Variants in CDKL4 observed in about 807,000 individuals in gnomAD.
CDKL4 encodes the protein cyclin dependent kinase like 4.
In CDKL4, 44 loss-of-function variants were observed where a neutral mutation model predicts 42.0. That is an observed-to-expected ratio of 1.05 (90% confidence interval 0.82 to 1.35). The LOEUF is 1.35. Ranked by LOEUF, CDKL4 falls within the 40% of genes most tolerant of loss-of-function variation. The pLI is 0.00. For missense variants in CDKL4, 393 were observed against 369.9 expected (o/e 1.06, Z -0.51); for synonymous variants, 120 against 121.6 (o/e 0.99, Z 0.09).
At chr2:39,220,574 T>C (rs1416505779) in intron 3 of CDKL4, among the ~76,000 whole-genome samples, 1 of 152,084 alleles carries the variant, frequency 6.6e-6, no homozygotes, top group Non-Finnish European at 1.5e-5. Context: ...GCACAACTTA[T>C]TCGAGATTCT....
Position 39,215,873 on chromosome 2 carries a change from T to G in CDKL4, c.291-2401A>C, listed in dbSNP as rs571037838. On this transcript the variant is annotated intron_variant, in intron 3 of 9. Transcript: ENST00000451199. ...TTCTCCTAATTATTAATATTGCAAA[T>G]GTACCTAATTTTCATGATTAAATCC... is the stretch of plus-strand genomic sequence containing the variant. Among the ~76,000 whole-genome samples the G allele has an allele frequency of 2.6e-3, 392 of 152,322 alleles. 1 individual carries two copies. The highest frequency in any genetic ancestry group is 8.6e-3 in the African/African-American group (359 of 41,560).
At chr2:39,217,469 C>T (rs901469098) in intron 3 of CDKL4, among the ~76,000 whole-genome samples, 3 of 152,110 alleles carry the variant, frequency 2.0e-5, no homozygotes, top group Admixed American at 1.3e-4. Context: ...GTTATAAAAA[C>T]GTAATAGGGG....
chr2:39,203,547 A>G (rs1183642116), intron 5 of CDKL4, among the ~76,000 whole-genome samples: 2 of 152,210 alleles, frequency 1.3e-5, no homozygotes, highest in African/African-American at 2.4e-5. Flanking sequence ...TATATATTTC[A>G]GTAATTTTTT....
intron 1 of CDKL4, among the ~76,000 whole-genome samples, chr2:39,230,991 CCT>C (rs1330731777): frequency 1.3e-5 from 2 of 152,136 alleles, no homozygotes; most frequent in Non-Finnish European, 2.9e-5. Flanking sequence ...AGGTGGATCA[CCT>C]GAGGTCAGGA....
intron 5 of CDKL4, 98 bp from the exon 6 acceptor site, chr2:39,190,600 G>T: frequency 1.0e-6 from 1 of 960,238 alleles, no homozygotes; most frequent in Non-Finnish European, 1.7e-6. Context: ...AACCATCAGA[G>T]GCCATGATAC....
At chr2:39,182,093 C>A (rs1454834098) in intron 8 of CDKL4, among the ~76,000 whole-genome samples, 2 of 152,094 alleles carry the variant, frequency 1.3e-5, no homozygotes, top group African/African-American at 4.8e-5. Context: ...GCAATCCTCC[C>A]GCCTTAGCCT....
chr2:39,190,186 C>T, intron 6 of CDKL4, 119 bp downstream of exon 6: 1 of 684,026 alleles, frequency 1.5e-6, no homozygotes, highest in East Asian at 3.0e-5. Context: ...TCCTGAGTGA[C>T]ACTTTGAAGA....
At chr2:39,218,965 C>T (rs1001723900) in intron 3 of CDKL4, among the ~76,000 whole-genome samples, 3 of 152,114 alleles carry the variant, frequency 2.0e-5, no homozygotes, top group Non-Finnish European at 4.4e-5. Context: ...ACTAATACAC[C>T]TCCTGGGCAT....
At chr2:39,229,284 A>T in intron 2 of CDKL4, 81 bp downstream of exon 2, 1 of 1,043,310 alleles carries the variant, frequency 9.6e-7, no homozygotes, top group Non-Finnish European at 1.4e-6. Flanking sequence ...GGGGGAAAAT[A>T]ACTTTAAAAT....
chr2:39,170,433 C>G, the CDKL4 span, among the ~76,000 whole-genome samples: 1 of 151,864 alleles, frequency 6.6e-6, no homozygotes, highest in Non-Finnish European at 1.5e-5. Flanking sequence ...CACTGACTCC[C>G]CAGTTTTTAG....
intron 2 of CDKL4, among the ~76,000 whole-genome samples, chr2:39,229,035 A>T (rs1678930529): frequency 6.6e-6 from 1 of 151,630 alleles, no homozygotes; most frequent in African/African-American, 2.4e-5. Context: ...GTGCTCTTTT[A>T]GTTGCTGGTT....
chr2:39,228,052 A>G (rs1230937808), intron 2 of CDKL4, among the ~76,000 whole-genome samples: 1 of 152,220 alleles, frequency 6.6e-6, no homozygotes, highest in Non-Finnish European at 1.5e-5. Context: ...ATCAGAGACC[A>G]AGCTGAGTCA....
chr2:39,174,600 A>G (rs1675095236), downstream of CDKL4, among the ~76,000 whole-genome samples: 3 of 152,230 alleles, frequency 2.0e-5, no homozygotes, highest in Admixed American at 1.3e-4. Context: ...GGTGCTGGAC[A>G]TAGAAAATTT....
intron 3 of CDKL4, among the ~76,000 whole-genome samples, chr2:39,221,013 G>T (rs142558897): frequency 0.4 from 28,322 of 71,574 alleles, 1,712 homozygotes; most frequent in African/African-American, 0.48. Context: ...TTTTTTTTTT[G>T]TTTTGTTTTT....
At chr2:39,190,012 C>A (rs968701209) in intron 6 of CDKL4, among the ~76,000 whole-genome samples, 1 of 152,150 alleles carries the variant, frequency 6.6e-6, no homozygotes, top group East Asian at 1.9e-4. Context: ...GACTCATATC[C>A]TTATCCCTAT....
intron 5 of CDKL4, among the ~76,000 whole-genome samples, chr2:39,198,896 A>C (rs61526451): frequency 1.3e-5 from 2 of 152,080 alleles, no homozygotes; most frequent in Non-Finnish European, 2.9e-5. Context: ...AAAGAGCACA[A>C]ATAGACAATC....
chr2:39,178,869 T>A, intron 9 of CDKL4: 1 of 1,476,168 alleles, frequency 6.8e-7, no homozygotes, highest in Non-Finnish European at 9.0e-7. Context: ...CCTGTTGGAA[T>A]CAGCATTTTA....
chr2:39,224,432 CA>C (rs1354466481), intron 3 of CDKL4, among the ~76,000 whole-genome samples: 1 of 151,542 alleles, frequency 6.6e-6, no homozygotes, highest in Non-Finnish European at 1.5e-5. Flanking sequence ...AGAGTCAGAA[CA>C]ACTCTTTATC....
chr2:39,242,811 C>T (rs963304603), intron 1 of CDKL4, among the ~76,000 whole-genome samples: 13 of 151,932 alleles, frequency 8.6e-5, no homozygotes, highest in Non-Finnish European at 1.8e-4. Context: ...AGGAATGATG[C>T]GGATGGCCGG....
Sources: gnomAD v4.1 joint callset for allele counts (sites outside exome capture counted in the v4.1 genomes callset) on GRCh38, gnomAD v4.1.1 for gene constraint, MANE v1.5 for transcripts, NCBI Gene and HGNC (gene_info 2026-07-23, HGNC 2026-07-21) for gene names.